Variants in IL1RAP observed in about 807,000 individuals in gnomAD.
IL1RAP encodes the protein interleukin-1 receptor accessory protein.
Under a neutral mutation model 60.7 loss-of-function variants are expected in IL1RAP, and 35 were observed. That is an observed-to-expected ratio of 0.58 (90% confidence interval 0.44 to 0.76). The LOEUF (loss-of-function observed/expected upper bound fraction) is 0.76. IL1RAP is among the 30% of genes least tolerant of loss of function. IL1RAP has a pLI of 0.00. For missense variants in IL1RAP, 572 were observed against 693.9 expected (o/e 0.82, Z 1.97); for synonymous variants, 268 against 250.9 (o/e 1.07, Z -0.64).
chr3:190,574,053 A>C (rs903911736), intron 3 of IL1RAP, among the ~76,000 whole-genome samples: 18 of 152,216 alleles, frequency 1.2e-4, no homozygotes, highest in African/African-American at 4.3e-4. Context: ...TTTAAGATGC[A>C]CTGTCATTTA....
rs73886438 is a variant in IL1RAP, at chr3:190,516,489, C to A, written c.-89+2270C>A. Among the ~76,000 whole-genome samples the A allele has an allele frequency of 7.1e-3, 1,078 of 152,234 alleles. 17 individuals are homozygous for A. The highest frequency in any genetic ancestry group is 0.023 in the African/African-American group (936 of 41,530). ...CTTCATACAGATTATTACTTGTTAC[C>A]AAAACCATATATATGTATAGAACTT... On this transcript the variant is annotated intron_variant, in intron 1 of 11. Transcript: ENST00000447382.
intron 1 of IL1RAP, among the ~76,000 whole-genome samples, chr3:190,532,777 TTTAG>T (rs137867976): frequency 0.042 from 6,420 of 152,154 alleles, 485 homozygotes; most frequent in East Asian, 0.37. Context: ...ATAACAGGCG[TTTAG>T]TTAGTACTCT....
chr3:190,621,121 C>T (rs1731739777), intron 6 of IL1RAP, among the ~76,000 whole-genome samples: 1 of 152,098 alleles, frequency 6.6e-6, no homozygotes, highest in African/African-American at 2.4e-5. Context: ...CCACTGTGTC[C>T]AGTGTATTAA....
chr3:190,620,086 G>A (rs1287018358), intron 5 of IL1RAP, among the ~76,000 whole-genome samples, 189 bp from the exon 6 acceptor site: 1 of 152,116 alleles, frequency 6.6e-6, no homozygotes, highest in African/African-American at 2.4e-5. Context: ...GATCAGAAAA[G>A]ATAATGACAG....
At chr3:190,619,642 T>A (rs957307051) in intron 5 of IL1RAP, among the ~76,000 whole-genome samples, 1 of 151,816 alleles carries the variant, frequency 6.6e-6, no homozygotes, top group African/African-American at 2.4e-5. Context: ...GGAGAAGTGC[T>A]TGAACCCAGA....
intron 9 of IL1RAP, among the ~76,000 whole-genome samples, chr3:190,640,145 T>G (rs116629292): frequency 2.4e-4 from 37 of 152,356 alleles, no homozygotes; most frequent in African/African-American, 8.7e-4. Flanking sequence ...CTCATTTCTA[T>G]CTCTTTAGCT....
chr3:190,614,801 A>T (rs1378594344), intron 5 of IL1RAP, among the ~76,000 whole-genome samples: 2 of 152,100 alleles, frequency 1.3e-5, no homozygotes, highest in East Asian at 3.9e-4. Context: ...TCTAGAACTG[A>T]TGTAAGGAGG....
chr3:190,613,080 A>G (rs1028772478), intron 5 of IL1RAP, among the ~76,000 whole-genome samples: 2 of 152,190 alleles, frequency 1.3e-5, no homozygotes, highest in Non-Finnish European at 2.9e-5. Flanking sequence ...CAAAATGTAA[A>G]CTTCTAAGTT....
At chr3:190,542,132 A>G (rs1220725779) in intron 1 of IL1RAP, among the ~76,000 whole-genome samples, 1 of 152,166 alleles carries the variant, frequency 6.6e-6, no homozygotes, top group Non-Finnish European at 1.5e-5. Context: ...TTACTATTGT[A>G]GATTTGGCAT....
At chr3:190,613,351 C>T (rs550017955) in intron 5 of IL1RAP, among the ~76,000 whole-genome samples, 2 of 152,144 alleles carry the variant, frequency 1.3e-5, no homozygotes, top group African/African-American at 2.4e-5. Context: ...ATCTAGCTGG[C>T]GGGTGGCAGT....
chr3:190,649,073 G>A lies in IL1RAP; in HGVS notation c.*368G>A, dbSNP rs533271884. On this transcript the variant is annotated 3_prime_UTR_variant, in exon 12 of 12. Coordinates refer to ENST00000447382, the MANE Select transcript of IL1RAP (RefSeq NM_002182.4). The stretch of plus-strand genomic sequence containing the variant: ...GAATTTAAATATGCCTTTAAAATAA[G>A]TCACTGTTGACAGGGTCATGAGTTT... 6.0e-6 allele frequency: 6 copies of A among 995,334 alleles called. No homozygotes were observed. The East Asian group carries it at 6.5e-4, about 109-fold the overall frequency. 61.7% of individuals were successfully genotyped at this position (995,334 alleles called of 1,614,324 possible).
chr3:190,616,421 G>GTT (rs201121490), intron 5 of IL1RAP, among the ~76,000 whole-genome samples: 11 of 146,878 alleles, frequency 7.5e-5, no homozygotes, highest in African/African-American at 2.5e-4. Context: ...ACCATTTGTG[G>GTT]TTTTTTTTTT....
intron 1 of IL1RAP, among the ~76,000 whole-genome samples, chr3:190,519,572 A>T (rs535125576): frequency 6.6e-6 from 1 of 152,028 alleles, no homozygotes; most frequent in Non-Finnish European, 1.5e-5. Context: ...TTGGAAACTC[A>T]TATAACCAGA....
chr3:190,578,139 C>T (rs1296550668), intron 3 of IL1RAP, among the ~76,000 whole-genome samples: 1 of 152,078 alleles, frequency 6.6e-6, no homozygotes, highest in Non-Finnish European at 1.5e-5. Context: ...GCAATATTCC[C>T]ATGTTACTAA....
chr3:190,635,414 G>T (rs1733143440), intron 9 of IL1RAP, among the ~76,000 whole-genome samples: 1 of 151,110 alleles, frequency 6.6e-6, no homozygotes, highest in Non-Finnish European at 1.5e-5. Flanking sequence ...TTTTCTTTTT[G>T]TCAGTCATCC....
At chr3:190,642,309 G>C (rs539548449) in intron 9 of IL1RAP, 1 of 153,024 alleles carries the variant, frequency 6.5e-6, no homozygotes, top group South Asian at 2.0e-4. Flanking sequence ...CAGTGGAAGA[G>C]GACGACCATC....
intron 9 of IL1RAP, chr3:190,629,918 T>C: frequency 1.0e-6 from 1 of 960,830 alleles, no homozygotes; most frequent in African/African-American, 1.8e-5. Context: ...GATTGCATCA[T>C]CTGACCTAAG....
chr3:190,567,232 G>A (rs1271659357), intron 3 of IL1RAP, among the ~76,000 whole-genome samples: 1 of 152,126 alleles, frequency 6.6e-6, no homozygotes, highest in East Asian at 1.9e-4. Flanking sequence ...GAATGGGGGA[G>A]CAACATTTTC....
intron 3 of IL1RAP, among the ~76,000 whole-genome samples, chr3:190,583,821 C>T (rs761460682): frequency 3.4e-4 from 51 of 152,106 alleles, no homozygotes; most frequent in Admixed American, 7.2e-4. Context: ...TGCCTCTGCC[C>T]GGTTGTTACA....
Sources: gnomAD v4.1 joint callset for allele counts (sites outside exome capture counted in the v4.1 genomes callset) on GRCh38, gnomAD v4.1.1 for gene constraint, MANE v1.5 for transcripts, NCBI Gene and HGNC (gene_info 2026-07-23, HGNC 2026-07-21) for gene names.